ERP44: variants seen among roughly 807,000 people sequenced by gnomAD.
ERP44 encodes endoplasmic reticulum resident protein 44.
A neutral mutation model predicts 53.4 loss-of-function variants in ERP44; 25 were observed. That is an observed-to-expected ratio of 0.47 (90% CI 0.34 to 0.65). The LOEUF (loss-of-function observed/expected upper bound fraction) is 0.65, where lower values mean the gene tolerates loss of function less well. ERP44 is among the 30% of genes least tolerant of loss of function. ERP44 has a pLI of 0.01. For synonymous variants in ERP44, 145 were observed against 161.2 expected (o/e 0.90, Z 0.76); for missense variants, 338 against 493.2 (o/e 0.69, Z 2.98).
At chr9:100,034,155 AG>A (rs1382281534) in intron 4 of ERP44, among the ~76,000 whole-genome samples, 2 of 152,206 alleles carry the variant, frequency 1.3e-5, no homozygotes, top group African/African-American at 2.4e-5. Context: ...GGTTGGCACA[AG>A]ATACAGATCA....
rs895388884 is a variant in ERP44 at position 100,060,726 on chromosome 9, G to A, written c.58-554C>T. ...AATAAGAATGTTTTTGCACTTTAAT[G>A]AACCTGAAATCCAAAGTTCAAGTTT... is the stretch of plus-strand genomic sequence containing the variant. On this transcript the variant is annotated intron_variant, in intron 1 of 11. Transcript: ENST00000262455. Among the ~76,000 whole-genome samples, 6 of 152,176 alleles carry A rather than the reference G, an allele frequency of 3.9e-5. No individual in the cohort carries two copies. In the East Asian group the frequency reaches 1.2e-3, roughly 29 times the overall value.
intron 10 of ERP44, among the ~76,000 whole-genome samples, chr9:100,004,077 C>A (rs1474082474): frequency 6.6e-6 from 1 of 152,060 alleles, no homozygotes; most frequent in African/African-American, 2.4e-5. Flanking sequence ...CTGAGGCTGG[C>A]TGAAAGCCTA....
rs1175414457 is a variant in ERP44, at chr9:99,998,589, C to T, written c.1016+7917G>A. ...TCGTGGTGAGCTCTGTGCCTCCTGC[C>T]GTCATCCACATGCTGTCTTTGTGCT... On this transcript the variant is annotated intron_variant, in intron 10 of 11. Coordinates refer to ENST00000262455, the MANE Select transcript of ERP44 (RefSeq NM_015051.3). 22 of 741,468 alleles carry T rather than the reference C, an allele frequency of 3.0e-5. No homozygotes were observed. In the East Asian group the frequency reaches 5.4e-4, roughly 18 times the overall value. The allele number at this position is 741,468 out of a possible 1,614,324, so 45.9% of individuals were successfully genotyped here.
intron 10 of ERP44, among the ~76,000 whole-genome samples, chr9:100,005,978 A>G (rs1763355882): frequency 6.6e-6 from 1 of 152,224 alleles, no homozygotes; most frequent in South Asian, 2.1e-4. Flanking sequence ...AATACTATAA[A>G]TATCTGAGAA....
intron 10 of ERP44, among the ~76,000 whole-genome samples, chr9:99,988,322 C>CT (rs1198005163): frequency 1.3e-5 from 2 of 152,166 alleles, no homozygotes; most frequent in African/African-American, 2.4e-5. Flanking sequence ...TTTTGATACT[C>CT]TAAGAACTCT....
chr9:100,019,302 T>C (rs1025610706), intron 6 of ERP44, among the ~76,000 whole-genome samples: 1 of 152,038 alleles, frequency 6.6e-6, no homozygotes, highest in Non-Finnish European at 1.5e-5. Flanking sequence ...CCAGCACTTT[T>C]GGAGGCAGAC....
chr9:99,980,266 A>C lies in ERP44; in HGVS notation c.*2346T>G. The C allele has an allele frequency of 2.6e-6, 1 of 390,576 alleles. No homozygotes were observed. The highest frequency in any genetic ancestry group is 4.5e-6 in the Non-Finnish European group (1 of 221,296). The allele number at this position is 390,576 out of a possible 1,614,324, so 24.2% of individuals were successfully genotyped here. On this transcript the variant is annotated 3_prime_UTR_variant, in exon 12 of 12. Transcript: ENST00000262455. ...AGGCTGTGAACAACTCTAGGGCAGAAATAATGCTTTATTCAGCTTTACATC... is the reference window on the plus strand; with the variant it reads ...AGGCTGTGAACAACTCTAGGGCAGACATAATGCTTTATTCAGCTTTACATC...
intron 4 of ERP44, among the ~76,000 whole-genome samples, chr9:100,038,674 T>C (rs1431524604): frequency 6.6e-6 from 1 of 151,828 alleles, no homozygotes; most frequent in African/African-American, 2.4e-5. Flanking sequence ...ATAAATGAAC[T>C]AAACTCTTCA....
intron 8 of ERP44, among the ~76,000 whole-genome samples, chr9:100,009,144 C>T (rs1051383268): frequency 6.6e-6 from 1 of 152,214 alleles, no homozygotes; most frequent in African/African-American, 2.4e-5. Flanking sequence ...CGGAGTCTCA[C>T]TCTGTAGCCC....
chr9:100,067,238 C>T (rs1044169576), intron 1 of ERP44, among the ~76,000 whole-genome samples: 1 of 152,216 alleles, frequency 6.6e-6, no homozygotes, highest in Non-Finnish European at 1.5e-5. Flanking sequence ...CCTCTGATGC[C>T]GAGCGGAAGC....
chr9:99,985,182 C>T, intron 10 of ERP44, 113 bp from the exon 11 acceptor site: 1 of 655,984 alleles, frequency 1.5e-6, no homozygotes, highest in Non-Finnish European at 2.7e-6. Flanking sequence ...CATCCTACCA[C>T]AACTATTGCA....
intron 10 of ERP44, among the ~76,000 whole-genome samples, chr9:100,000,804 C>T (rs1830368345): frequency 6.6e-6 from 1 of 151,968 alleles, no homozygotes; most frequent in Non-Finnish European, 1.5e-5. Flanking sequence ...AAAAAACCAG[C>T]TATAGTTTTG....
chr9:100,018,629 AC>A (rs1246647980), intron 6 of ERP44, among the ~76,000 whole-genome samples: 1 of 152,198 alleles, frequency 6.6e-6, no homozygotes, highest in Admixed American at 6.5e-5. Flanking sequence ...TTAAAAAAAA[AC>A]AAAAACGAAA....
chr9:100,093,645 G>C (rs985667589), intron 1 of ERP44, among the ~76,000 whole-genome samples: 15 of 151,684 alleles, frequency 9.9e-5, no homozygotes, highest in Admixed American at 8.5e-4. Flanking sequence ...CCTGTCTGTG[G>C]GGGGGGAAAA....
intron 10 of ERP44, among the ~76,000 whole-genome samples, chr9:99,990,711 C>T (rs992637744): frequency 2.6e-5 from 4 of 152,156 alleles, no homozygotes; most frequent in Admixed American, 2.6e-4. Flanking sequence ...TTAAAAGACA[C>T]AGACTGGCAA....
At chr9:100,089,580 CAAAAAAAAAAA>C (rs71498726) in intron 1 of ERP44, among the ~76,000 whole-genome samples, 4 of 43,554 alleles carry the variant, frequency 9.2e-5, no homozygotes, top group South Asian at 2.0e-3. Flanking sequence ...GACTCCATCT[CAAAAAAAAAAA>C]AAAAAAAAAA....
chr9:100,095,519 C>T (rs1826616766), intron 1 of ERP44, among the ~76,000 whole-genome samples: 1 of 152,004 alleles, frequency 6.6e-6, no homozygotes, highest in East Asian at 1.9e-4. Context: ...GAAGGAATTT[C>T]TGTCAATTTT....
chr9:100,090,613 G>T (rs1278339883), intron 1 of ERP44, among the ~76,000 whole-genome samples: 1 of 152,038 alleles, frequency 6.6e-6, no homozygotes, highest in Non-Finnish European at 1.5e-5. Context: ...GCCGGGCATG[G>T]TGGCAGGCAC....
At chr9:100,097,942 T>C (rs1039839804) in intron 1 of ERP44, among the ~76,000 whole-genome samples, 1 of 152,220 alleles carries the variant, frequency 6.6e-6, no homozygotes, top group Non-Finnish European at 1.5e-5. Flanking sequence ...TATTACATTA[T>C]AATTAACAGC....
Sources: allele counts gnomAD v4.1 joint callset (sites outside exome capture counted in the v4.1 genomes callset), GRCh38; gene constraint gnomAD v4.1.1; transcripts MANE v1.5; gene names NCBI Gene and HGNC (gene_info 2026-07-23, HGNC 2026-07-21).